The following RPAP3 variants were observed in gnomAD, a reference collection of about 807,000 sequenced individuals.
RPAP3 encodes the protein RNA polymerase II-associated protein 3.
In RPAP3, 58 loss-of-function variants were observed where a neutral mutation model predicts 88.8. The ratio of observed to expected loss-of-function variants is 0.65; its 90% CI spans 0.53 to 0.81. The LOEUF (loss-of-function observed/expected upper bound fraction) is 0.81. RPAP3 is among the 40% of genes least tolerant of loss of function. RPAP3 has a pLI of 0.00. For synonymous variants in RPAP3, 255 were observed against 259.9 expected (o/e 0.98, Z 0.18); for missense variants, 751 against 764.3 (o/e 0.98, Z 0.20).
In RPAP3 at chr12:47,670,227, A is replaced by G. The variant is rs760545058; in HGVS notation, c.1406T>C (p.Ile469Thr). 3 of 1,613,634 alleles carry G rather than the reference A, an allele frequency of 1.9e-6. No individual in the cohort carries two copies. Among genetic ancestry groups the G allele is most frequent in the African/African-American group, 1.3e-5 (1 of 74,910 alleles). The change falls in exon 13 of 17, where the codon ATA (isoleucine) becomes ACA (threonine). Residue 469 changes from isoleucine (I) to threonine (T), a missense_variant. By Grantham distance (89) the Ile-to-Thr change is moderately conservative. Coordinates refer to ENST00000005386, the MANE Select transcript of RPAP3 (RefSeq NM_024604.3). The part of the protein sequence containing the change: ...ENNPINLANV[I>T]AATGTTSKKN... Reference sequence around the variant, plus strand: ...CTTACTTGTGGTGCCTGTGGCTGCTATTACATTTGCTAGATTAATAGGATT... The same window carrying G: ...CTTACTTGTGGTGCCTGTGGCTGCTGTTACATTTGCTAGATTAATAGGATT...
intron 5 of RPAP3, among the ~76,000 whole-genome samples, chr12:47,690,916 T>C (rs1939415588): frequency 6.6e-6 from 1 of 152,232 alleles, no homozygotes; most frequent in South Asian, 2.1e-4. Flanking sequence ...AAAAGTTTTA[T>C]TTATACTGTA....
chr12:47,682,597 T>C (rs1383083965), intron 9 of RPAP3, among the ~76,000 whole-genome samples: 2 of 151,840 alleles, frequency 1.3e-5, no homozygotes, highest in African/African-American at 2.4e-5. Flanking sequence ...CCAAAAAAAG[T>C]ATGGCTTGTT....
chr12:47,662,217 G>A lies in RPAP3; in HGVS notation c.*1288C>T, dbSNP rs1026647360. On this transcript the variant is annotated 3_prime_UTR_variant, in exon 17 of 17. Transcript: ENST00000005386. ...GGATTTCAACATATGAATTTGTGGG[G>A]GATATAAACATTCAGATCATAGCAG... is the stretch of plus-strand genomic sequence containing the variant. 2 of 151,964 alleles carry A rather than the reference G, an allele frequency of 1.3e-5. No homozygotes were observed. Among genetic ancestry groups the A allele is most frequent in the Admixed American group, 6.6e-5 (1 of 15,256 alleles). The allele number at this position is 151,964 out of a possible 1,614,324, so 9.4% of individuals were successfully genotyped here.
At chr12:47,688,344 G>A (rs1490775532) in intron 7 of RPAP3, among the ~76,000 whole-genome samples, 1 of 151,834 alleles carries the variant, frequency 6.6e-6, no homozygotes, top group Non-Finnish European at 1.5e-5. Flanking sequence ...GAAACATTGG[G>A]GTGGGGAGGG....
At position 47,667,807 on chromosome 12, in the gene RPAP3, C is replaced by T. The variant is rs1270114104; in HGVS notation, c.1758G>A (p.Leu586=). 1 of 1,605,920 alleles carries T rather than the reference C, an allele frequency of 6.2e-7. No individual in the cohort carries two copies. Among genetic ancestry groups the T allele is most frequent in the Admixed American group, 1.7e-5 (1 of 59,572 alleles). Residue 586 remains leucine, a synonymous_variant, in exon 15 of 17, where the codon CTG becomes CTA. Coordinates refer to ENST00000005386, the MANE Select transcript of RPAP3 (RefSeq NM_024604.3). ...SLYPKLFQKN[L]DPDVFNQIVK... is the part of the protein sequence containing the mutation. ...CGATCTGGTTGAATACATCTGGATC[C>T]AGATTTTTCTGAAACAACTTAGGAT...
chr12:47,664,922 G>A (rs192708652), intron 16 of RPAP3: 2 of 152,276 alleles, frequency 1.3e-5, no homozygotes, highest in Admixed American at 6.5e-5. Flanking sequence ...AAATAAAGCA[G>A]GGTAAGAAGA....
chr12:47,701,807 G>T (rs1213598267), intron 2 of RPAP3, among the ~76,000 whole-genome samples: 1 of 152,120 alleles, frequency 6.6e-6, no homozygotes, highest in African/African-American at 2.4e-5. Flanking sequence ...GTTGAACATT[G>T]TTCAATCACA....
At chr12:47,674,536 GT>G (rs1256713357) in intron 12 of RPAP3, among the ~76,000 whole-genome samples, 2 of 152,158 alleles carry the variant, frequency 1.3e-5, no homozygotes, top group African/African-American at 2.4e-5. Context: ...ACAATAAACA[GT>G]GCAGAGAAGA....
At chr12:47,682,368 C>G (rs1304688383) in intron 9 of RPAP3, among the ~76,000 whole-genome samples, 1 of 152,090 alleles carries the variant, frequency 6.6e-6, no homozygotes, top group Non-Finnish European at 1.5e-5. Context: ...CAACAAGGTG[C>G]TTAAGAAGAG....
At position 47,670,280 on chromosome 12, in the gene RPAP3, A is replaced by C; in HGVS notation, c.1353T>G (p.Asp451Glu). 1 of 1,613,562 alleles carries C rather than the reference A, an allele frequency of 6.2e-7. No individual in the cohort carries two copies. The highest frequency in any genetic ancestry group is 8.5e-7 in the Non-Finnish European group (1 of 1,179,686). Reference protein sequence around the residue: ...GNLIQTIDVPDSTTAAAPENN... With the variant: ...GNLIQTIDVPESTTAAAPENN... ...TCTCTGGAGCAGCAGCAGTAGTGCTATCTGGCACATCAATAGTCTGTATCA... is the reference window on the plus strand; with the variant it reads ...TCTCTGGAGCAGCAGCAGTAGTGCTCTCTGGCACATCAATAGTCTGTATCA... The change falls in exon 13 of 17, where the codon GAT becomes GAG. Residue 451 changes from aspartate to glutamate, a missense_variant. Transcript: ENST00000005386.
intron 3 of RPAP3, 197 bp downstream of exon 3, chr12:47,701,266 GA>G (rs1939648661): frequency 2.7e-6 from 1 of 373,116 alleles, no homozygotes. Context: ...ACCATTTGCT[GA>G]AAGAGGATTG....
intron 1 of RPAP3, among the ~76,000 whole-genome samples, chr12:47,703,922 C>T (rs145058687): frequency 1.6e-3 from 241 of 152,278 alleles, no homozygotes; most frequent in Admixed American, 2.4e-3. Context: ...GGTAAGATTA[C>T]TGATGCCATT....
At chr12:47,682,459 T>C (rs1939240171) in intron 9 of RPAP3, among the ~76,000 whole-genome samples, 1 of 152,180 alleles carries the variant, frequency 6.6e-6, no homozygotes, top group Non-Finnish European at 1.5e-5. Context: ...TAATGAATTA[T>C]TGTTAATTTC....
At chr12:47,697,785 A>G in intron 3 of RPAP3, 66 bp from the exon 4 acceptor site, 1 of 1,422,756 alleles carries the variant, frequency 7.0e-7, no homozygotes, top group African/African-American at 1.5e-5. Context: ...AAAAAAAGAC[A>G]TACTAAAAAA....
chr12:47,704,080 T>C (rs1592490584), intron 1 of RPAP3, among the ~76,000 whole-genome samples: 2 of 152,198 alleles, frequency 1.3e-5, no homozygotes, highest in South Asian at 2.1e-4. Context: ...GGAATAGAGA[T>C]AAATTCCGGT....
At chr12:47,674,419 G>A (rs1939066861) in intron 12 of RPAP3, among the ~76,000 whole-genome samples, 1 of 152,190 alleles carries the variant, frequency 6.6e-6, no homozygotes. Context: ...GACAGAAGTA[G>A]GCTTCAGAAG....
At chr12:47,685,292 T>C (rs995324194) in intron 9 of RPAP3, among the ~76,000 whole-genome samples, 14 of 151,808 alleles carry the variant, frequency 9.2e-5, no homozygotes, top group African/African-American at 3.2e-4. Context: ...GGCAGGAGAA[T>C]TGCTTGAACC....
At chr12:47,674,417 T>A (rs576337029) in intron 12 of RPAP3, among the ~76,000 whole-genome samples, 195 of 152,250 alleles carry the variant, frequency 1.3e-3, no homozygotes, top group African/African-American at 4.5e-3. Flanking sequence ...TTGACAGAAG[T>A]AGGCTTCAGA....
chr12:47,695,246 G>A (rs1939500615), intron 5 of RPAP3, among the ~76,000 whole-genome samples: 1 of 151,830 alleles, frequency 6.6e-6, no homozygotes, highest in Non-Finnish European at 1.5e-5. Context: ...CAGTTACAAT[G>A]AGAGCTCTAG....
Sources: allele counts gnomAD v4.1 joint callset (sites outside exome capture counted in the v4.1 genomes callset), GRCh38; gene constraint gnomAD v4.1.1; transcripts MANE v1.5; gene names NCBI Gene and HGNC (gene_info 2026-07-23, HGNC 2026-07-21).